Variants in PBRM1 observed in about 807,000 individuals in gnomAD.
PBRM1 encodes the protein polybromo 1.
Under a neutral mutation model 194.5 loss-of-function variants are expected in PBRM1, and 27 were observed. That is an observed-to-expected ratio of 0.14 (90% CI 0.10 to 0.19). The LOEUF (loss-of-function observed/expected upper bound fraction) is 0.19. Ranked by LOEUF, PBRM1 falls within the 10% of genes least tolerant of loss-of-function variation. PBRM1 has a pLI of 1.00. For synonymous variants in PBRM1, 655 were observed against 693.2 expected (o/e 0.94, Z 0.87); for missense variants, 1,466 against 2,077.2 (o/e 0.71, Z 5.72).
At chr3:52,644,825 C>G (rs2153733291) in intron 7 of PBRM1, 36 bp from the exon 9 acceptor site, 1 of 1,039,374 alleles carries the variant, frequency 9.6e-7, no homozygotes, top group East Asian at 2.4e-5. Context: ...AAAAAAGGAA[C>G]AGATAAAAGG....
chr3:52,618,504 G>C (rs1194107946), intron 13 of PBRM1, among the ~76,000 whole-genome samples: 1 of 151,686 alleles, frequency 6.6e-6, no homozygotes, highest in Non-Finnish European at 1.5e-5. Context: ...AGAAATTCTA[G>C]CCAGATAAAG....
chr3:52,623,623 A>G (rs1415346384), intron 13 of PBRM1, among the ~76,000 whole-genome samples: 1 of 152,254 alleles, frequency 6.6e-6, no homozygotes, highest in Non-Finnish European at 1.5e-5. Flanking sequence ...ATAAACAGCT[A>G]CATTTACTGA....
At chr3:52,557,242 T>A (rs1454657843) in intron 26 of PBRM1, among the ~76,000 whole-genome samples, 1 of 152,184 alleles carries the variant, frequency 6.6e-6, no homozygotes, top group Non-Finnish European at 1.5e-5. Flanking sequence ...AACTGCTGAG[T>A]TCAGCGACAG....
At chr3:52,667,092 C>A (rs917865410) in intron 3 of PBRM1, among the ~76,000 whole-genome samples, 1 of 151,990 alleles carries the variant, frequency 6.6e-6, no homozygotes. Context: ...TTGATTCCTA[C>A]CTTATAAAAG....
chr3:52,582,516 TCTC>T (rs1395714849), intron 20 of PBRM1, among the ~76,000 whole-genome samples: 1 of 150,872 alleles, frequency 6.6e-6, no homozygotes, highest in Non-Finnish European at 1.5e-5. Flanking sequence ...TTCAAGTGAT[TCTC>T]CTGCCTCAGC....
At chr3:52,628,801 G>T in intron 12 of PBRM1, 93 bp downstream of exon 13, 1 of 1,114,312 alleles carries the variant, frequency 9.0e-7, no homozygotes, top group Admixed American at 1.8e-5. Flanking sequence ...CTGAGGGTGG[G>T]GGGGATCACA....
chr3:52,584,866 G>A (rs1482080822), intron 20 of PBRM1, among the ~76,000 whole-genome samples: 2 of 152,022 alleles, frequency 1.3e-5, no homozygotes, highest in South Asian at 2.1e-4. Context: ...TGTCCAGTGT[G>A]TAAATTTAAA....
At chr3:52,619,629 C>T (rs62253734) in intron 13 of PBRM1, among the ~76,000 whole-genome samples, 6,743 of 152,226 alleles carry the variant, frequency 0.044, 217 homozygotes, top group Non-Finnish European at 0.066. Flanking sequence ...AAAGTTCATT[C>T]CTCAGGCAAA....
intron 22 of PBRM1, among the ~76,000 whole-genome samples, chr3:52,566,764 T>C (rs1274612559): frequency 1.3e-5 from 2 of 152,232 alleles, no homozygotes; most frequent in Non-Finnish European, 2.9e-5. Flanking sequence ...GTCAATGGAC[T>C]TAAAGCCACT....
chr3:52,595,518 A>C (rs1401437764), intron 17 of PBRM1, among the ~76,000 whole-genome samples: 3 of 152,014 alleles, frequency 2.0e-5, no homozygotes, highest in Non-Finnish European at 4.4e-5. Flanking sequence ...CCCACTTTTT[A>C]ATTGGATTAT....
At chr3:52,678,708 G>C (rs2154059933) in intron 1 of PBRM1, 111 bp from the exon 3 acceptor site, 1 of 647,264 alleles carries the variant, frequency 1.5e-6, no homozygotes, top group Non-Finnish European at 2.7e-6. Context: ...GAAGAAAAAT[G>C]ATGACTCTCA....
At chr3:52,599,386 C>T (rs920570288) in intron 17 of PBRM1, among the ~76,000 whole-genome samples, 1 of 152,144 alleles carries the variant, frequency 6.6e-6, no homozygotes, top group African/African-American at 2.4e-5. Flanking sequence ...TATAGTCAGT[C>T]TATAGTACTA....
At chr3:52,623,032 C>CA (rs1322892125) in intron 13 of PBRM1, among the ~76,000 whole-genome samples, 4 of 152,168 alleles carry the variant, frequency 2.6e-5, no homozygotes, top group Non-Finnish European at 5.9e-5. Flanking sequence ...GGCTTAGAGA[C>CA]AGCAAATGAA....
intron 20 of PBRM1, 160 bp from the exon 23 acceptor site, chr3:52,579,359 G>C (rs1463288571): frequency 1.6e-6 from 1 of 641,642 alleles, no homozygotes; most frequent in African/African-American, 1.8e-5. Context: ...GCCAAGGCAG[G>C]ACGATCGCTT....
intron 17 of PBRM1, among the ~76,000 whole-genome samples, chr3:52,592,738 C>T (rs1040482121): frequency 4.6e-5 from 7 of 152,176 alleles, no homozygotes; most frequent in African/African-American, 1.4e-4. Flanking sequence ...ATGGTACCAG[C>T]TCTTCTTTGT....
intron 25 of PBRM1, 101 bp downstream of exon 27, chr3:52,561,666 C>T: frequency 9.9e-7 from 1 of 1,010,562 alleles, no homozygotes; most frequent in Non-Finnish European, 1.6e-6. Context: ...AATAAAAGTT[C>T]ATGTGCAAGT....
chr3:52,685,895 C>T (rs1383011455), upstream of PBRM1: 1 of 629,222 alleles, frequency 1.6e-6, no homozygotes, highest in Non-Finnish European at 2.9e-6. Context: ...CTTACCCCTC[C>T]CGGTGCCGCC....
exon 7 of PBRM1, chr3:52,648,391 C>A: frequency 6.2e-7 from 1 of 1,609,468 alleles, no homozygotes; most frequent in East Asian, 2.2e-5. Context: ...GCATTTTTTG[C>A]GAGGAGATCT....
intron 14 of PBRM1, 135 bp from the exon 17 acceptor site, chr3:52,615,591 C>T: frequency 1.7e-6 from 1 of 605,606 alleles, no homozygotes; most frequent in Admixed American, 2.8e-5. Context: ...AGCCTCACTA[C>T]AGAGCAATAA....
Sources: gnomAD v4.1 joint callset for allele counts (sites outside exome capture counted in the v4.1 genomes callset) on GRCh38, gnomAD v4.1.1 for gene constraint, MANE v1.5 for transcripts, NCBI Gene and HGNC (gene_info 2026-07-23, HGNC 2026-07-21) for gene names.